The following SUMO3 variants were observed in gnomAD, a reference collection of about 807,000 sequenced individuals.
SUMO3 encodes the protein small ubiquitin-related modifier 3.
SUMO3 carries 2 observed loss-of-function variants against 11.1 expected under a neutral mutation model. The ratio of observed to expected loss-of-function variants is 0.18; its 90% CI spans 0.07 to 0.57. The LOEUF is 0.57. SUMO3 is among the 20% of genes least tolerant of loss of function. SUMO3 has a pLI of 0.92. For synonymous variants in SUMO3, 56 were observed against 53.5 expected (o/e 1.05, Z -0.20); for missense variants, 70 against 132.8 (o/e 0.53, Z 2.32).
At chr21:44,808,646 G>T in intron 3 of SUMO3, 1 of 1,381,748 alleles carries the variant, frequency 7.2e-7, no homozygotes, top group African/African-American at 1.5e-5. Context: ...GATAATCAGG[G>T]GTTATGGCAC....
At chr21:44,808,444 C>T in intron 3 of SUMO3, 2 of 1,348,714 alleles carry the variant, frequency 1.5e-6, no homozygotes, top group Non-Finnish European at 2.0e-6. Context: ...ACTCAGGAGG[C>T]AGAGCTTGCA....
intron 1 of SUMO3, among the ~76,000 whole-genome samples, chr21:44,816,724 C>T (rs895700900): frequency 1.3e-5 from 2 of 151,980 alleles, no homozygotes; most frequent in African/African-American, 2.4e-5. Flanking sequence ...AGGGTGCATA[C>T]CCCAGGACTG....
At chr21:44,808,269 T>G in intron 3 of SUMO3, 4 of 283,098 alleles carry the variant, frequency 1.4e-5, no homozygotes, top group East Asian at 1.2e-4. Flanking sequence ...TCCCAGCACT[T>G]TGGGGGGCTG....
Position 44,817,716 on chromosome 21 carries a change from A to G in SUMO3, c.21+232T>C, listed in dbSNP as rs1354219509. Among the ~76,000 whole-genome samples, 14 of 143,870 alleles carry G rather than the reference A, an allele frequency of 9.7e-5. 1 individual carries two copies. In the East Asian group the frequency reaches 2.5e-3, roughly 26 times the overall value. The allele number at this position is 143,870 out of a possible 152,430, so 94.4% of individuals were successfully genotyped here. Reference sequence around the variant, plus strand: ...CCAGCTGGGGAGGAGACGGGCGTGGAGCGGAGGCGTGGCCAGGCCCGGAGG... The same window carrying G: ...CCAGCTGGGGAGGAGACGGGCGTGGGGCGGAGGCGTGGCCAGGCCCGGAGG... On this transcript the variant is annotated intron_variant, in intron 1 of 3. Coordinates refer to ENST00000332859, the MANE Select transcript of SUMO3 (RefSeq NM_006936.3).
At chr21:44,809,283 G>A (rs2083196543) in intron 2 of SUMO3, among the ~76,000 whole-genome samples, 165 bp from the exon 3 acceptor site, 1 of 152,206 alleles carries the variant, frequency 6.6e-6, no homozygotes, top group South Asian at 2.1e-4. Context: ...CCAAGTATCA[G>A]CATTCTGATA....
Position 44,807,059 on chromosome 21 carries a change from C to G in SUMO3, c.223-19G>C. ...TCTCCAGCTGTCATGGTTGTCACAA[C>G]AGGCACAGCGAGAGAGAGGGGAGCC... On this transcript the variant is annotated intron_variant, in intron 3 of 3. Transcript: ENST00000332859. The surrounding 1 kb of genome is among the most constrained non-coding windows in gnomAD (Gnocchi z 4.3). The G allele has an allele frequency of 1.2e-6, 2 of 1,613,018 alleles. No homozygotes were observed. Among genetic ancestry groups the G allele is most frequent in the Non-Finnish European group, 1.7e-6 (2 of 1,179,580 alleles).
chr21:44,815,239 G>A (rs1016491527), intron 1 of SUMO3, among the ~76,000 whole-genome samples: 7 of 152,212 alleles, frequency 4.6e-5, no homozygotes, highest in African/African-American at 1.7e-4. Context: ...GCTCGCCTGA[G>A]GGTGAACCCA....
At chr21:44,815,000 C>T (rs2083235362) in intron 1 of SUMO3, among the ~76,000 whole-genome samples, 1 of 152,234 alleles carries the variant, frequency 6.6e-6, no homozygotes. Context: ...CCGGCCTGCA[C>T]TGCTGGGATA....
chr21:44,817,271 T>G (rs1207253339), intron 1 of SUMO3, among the ~76,000 whole-genome samples: 7 of 80,718 alleles, frequency 8.7e-5, no homozygotes, highest in African/African-American at 2.5e-4. Context: ...GCGCGATGGG[T>G]GGGAGTAGGT....
In SUMO3 at chr21:44,817,979, G is replaced by C. The variant is rs1267280676; in HGVS notation, c.-11C>G. Reference sequence around the variant, plus strand: ...CTTCTCCTCGGACATGGCTGCGCGAGCGGCGCGGGGAGGCGGCGCGGGGGA... The same window carrying C: ...CTTCTCCTCGGACATGGCTGCGCGACCGGCGCGGGGAGGCGGCGCGGGGGA... On this transcript the variant is annotated 5_prime_UTR_variant, in exon 1 of 4. Transcript: ENST00000332859. 2 of 1,180,846 alleles carry C rather than the reference G, an allele frequency of 1.7e-6. No homozygotes were observed. Among genetic ancestry groups the C allele is most frequent in the African/African-American group, 3.2e-5 (2 of 62,112 alleles). The allele number at this position is 1,180,846 out of a possible 1,614,324, so 73.1% of individuals were successfully genotyped here. A position where few individuals can be genotyped will look rare whatever the true frequency, so the allele number is the denominator to read the frequency against.
intron 1 of SUMO3, among the ~76,000 whole-genome samples, chr21:44,817,650 C>A (rs1004990262): frequency 1.1e-4 from 16 of 150,722 alleles, no homozygotes; most frequent in South Asian, 2.1e-4. Flanking sequence ...AGCGCGGGGC[C>A]CGACACCGGG....
At chr21:44,814,290 C>G (rs1320807938) in intron 1 of SUMO3, among the ~76,000 whole-genome samples, 186 bp from the exon 2 acceptor site, 1 of 152,190 alleles carries the variant, frequency 6.6e-6, no homozygotes, top group African/African-American at 2.4e-5. Flanking sequence ...TTTTTAACTT[C>G]CACTTGTTAA....
intron 3 of SUMO3, chr21:44,808,271 G>C: frequency 3.4e-6 from 1 of 291,412 alleles, no homozygotes; most frequent in Non-Finnish European, 6.3e-6. Context: ...CCAGCACTTT[G>C]GGGGGCTGAG....
chr21:44,817,852 G>A (rs1383257821), intron 1 of SUMO3, 96 bp downstream of exon 1: 8 of 172 alleles, frequency 0.047, no homozygotes, highest in Admixed American at 0.083. Flanking sequence ...GCCTGTCAGG[G>A]GCGGGACGCG....
rs2083260439 is a variant in SUMO3 at position 44,818,045 on chromosome 21, C to T, written c.-77G>A. 1 of 1,117,620 alleles carries T rather than the reference C, an allele frequency of 8.9e-7. No homozygotes were observed. Among genetic ancestry groups the T allele is most frequent in the Non-Finnish European group, 1.1e-6 (1 of 900,722 alleles). The allele number at this position is 1,117,620 out of a possible 1,614,324, so 69.2% of individuals were successfully genotyped here. On this transcript the variant is annotated 5_prime_UTR_variant, in exon 1 of 4. Transcript: ENST00000332859. ...GCGAGTCACGCTCTCGGCCCCGCCG[C>T]TCTCCCGCCGCAACTGTGCGCGGGG... is the stretch of plus-strand genomic sequence containing the variant.
At chr21:44,808,627 G>A in intron 3 of SUMO3, 1 of 1,385,194 alleles carries the variant, frequency 7.2e-7, no homozygotes. Context: ...GAAACGAGCT[G>A]TGCAGACTGA....
chr21:44,810,767 G>A lies in SUMO3; in HGVS notation c.151-1649C>T, dbSNP rs1312947461. The stretch of plus-strand genomic sequence containing the variant: ...GTACACAGCTTTTCAGCAGCTTCTC[G>A]GTGCTCCATGCTTGCACAGAAGTCA... On this transcript the variant is annotated intron_variant, in intron 2 of 3. Transcript: ENST00000332859. The surrounding 1 kb of genome is among the most constrained non-coding windows in gnomAD (Gnocchi z 4.1). 1.3e-5 allele frequency among the ~76,000 whole-genome samples: 2 copies of A among 152,104 alleles called. No individual in the cohort carries two copies. Among genetic ancestry groups the A allele is most frequent in the Non-Finnish European group, 2.9e-5 (2 of 68,014 alleles).
In SUMO3 at chr21:44,811,928, G is replaced by A. The variant is rs904810060; in HGVS notation, c.150+2048C>T. ...ATAAAGTGCCCAGCAGCATGAGTGA[G>A]AAAATCACCCACCTCTGAGGCACAT... On this transcript the variant is annotated intron_variant, in intron 2 of 3. Transcript: ENST00000332859. The surrounding 1 kb of genome is among the most constrained non-coding windows in gnomAD (Gnocchi z 5.0). Among the ~76,000 whole-genome samples the A allele has an allele frequency of 3.3e-5, 5 of 151,764 alleles. No individual in the cohort carries two copies. Among genetic ancestry groups the A allele is most frequent in the Middle Eastern group, 3.2e-3 (1 of 316 alleles).
chr21:44,814,677 G>A (rs1416113071), intron 1 of SUMO3, among the ~76,000 whole-genome samples: 5 of 152,224 alleles, frequency 3.3e-5, no homozygotes, highest in East Asian at 1.9e-4. Context: ...TGGTGATTTC[G>A]GGAATCCAAC....
Sources: gnomAD v4.1 joint callset for allele counts (sites outside exome capture counted in the v4.1 genomes callset) on GRCh38, gnomAD v4.1.1 for gene constraint, Gnocchi (gnomAD v3.1) non-coding constraint, MANE v1.5 for transcripts, NCBI Gene and HGNC (gene_info 2026-07-23, HGNC 2026-07-21) for gene names.